EYS: variants seen among roughly 807,000 people sequenced by gnomAD.
EYS encodes the protein protein eyes shut homolog.
EYS carries 250 observed loss-of-function variants against 282.1 expected under a neutral mutation model. The ratio of observed to expected loss-of-function variants is 0.89; its 90% confidence interval spans 0.80 to 0.98. EYS has a LOEUF of 0.98. EYS is among the 50% of genes least tolerant of loss of function. The pLI is 0.00. For synonymous variants in EYS, 1,355 were observed against 1,282.9 expected (o/e 1.06, Z -1.20); for missense variants, 4,016 against 3,709.0 (o/e 1.08, Z -2.15).
intron 26 of EYS, among the ~76,000 whole-genome samples, chr6:64,457,963 T>A (rs781685237): frequency 6.6e-6 from 1 of 152,000 alleles, no homozygotes; most frequent in African/African-American, 2.4e-5. Context: ...GATTTTGCTT[T>A]GTGGTTACCA....
intron 36 of EYS, among the ~76,000 whole-genome samples, chr6:63,824,654 G>A (rs545014706): frequency 6.6e-6 from 1 of 152,240 alleles, no homozygotes; most frequent in South Asian, 2.1e-4. Context: ...GTCCAGGTCC[G>A]TTTGCAGGAG....
chr6:64,175,451 A>T lies in EYS; in HGVS notation c.6424+55141T>A, dbSNP rs1764598227. ...CATAATCTGGCTACCGCTGAGTGTC[A>T]AGGATAAATTATTGCTTCATTTTGC... On this transcript the variant is annotated intron_variant, in intron 31 of 42. Coordinates refer to ENST00000503581, the MANE Select transcript of EYS (RefSeq NM_001142800.2). Among the ~76,000 whole-genome samples, 4 of 152,158 alleles carry T rather than the reference A, an allele frequency of 2.6e-5. No homozygotes were observed. The South Asian group carries it at 8.3e-4, about 32-fold the overall frequency.
At position 65,620,918 on chromosome 6, in the gene EYS, C is replaced by G. The variant is rs976976961; in HGVS notation, c.-333+18860G>C. Reference sequence around the variant, plus strand: ...TTTGATAGCACTGTGGTCTGAGAGACAGTTTGTTATCATTTCTGTTCTTTT... The same window carrying G: ...TTTGATAGCACTGTGGTCTGAGAGAGAGTTTGTTATCATTTCTGTTCTTTT... On this transcript the variant is annotated intron_variant, in intron 2 of 42. Coordinates refer to ENST00000503581, the MANE Select transcript of EYS (RefSeq NM_001142800.2). Among the ~76,000 whole-genome samples, 117 of 152,122 alleles carry G rather than the reference C, an allele frequency of 7.7e-4. 1 individual carries two copies. Among genetic ancestry groups the G allele is most frequent in the African/African-American group, 2.7e-3 (112 of 41,400 alleles).
rs749791752 is a variant in EYS at position 65,211,377 on chromosome 6, G to C, written c.2023+84486C>G. Among the ~76,000 whole-genome samples, 14 of 152,126 alleles carry C rather than the reference G, an allele frequency of 9.2e-5. No individual in the cohort carries two copies. In the South Asian group the frequency reaches 1.9e-3, roughly 20 times the overall value. On this transcript the variant is annotated intron_variant, in intron 12 of 42. Coordinates refer to ENST00000503581, the MANE Select transcript of EYS (RefSeq NM_001142800.2). ...AACTGCTATCACAGAGAAAAATATA[G>C]AAGACTAGCTTTCTATCTGAGACAT...
intron 35 of EYS, among the ~76,000 whole-genome samples, chr6:63,982,550 G>A (rs1432056738): frequency 6.6e-6 from 1 of 151,808 alleles, no homozygotes; most frequent in Non-Finnish European, 1.5e-5. Context: ...CTTTTCATGT[G>A]GGTCTTCCCC....
intron 14 of EYS, among the ~76,000 whole-genome samples, chr6:64,950,817 ATATATATATATATAT>A (rs1562272721): frequency 5.3e-5 from 6 of 113,830 alleles, no homozygotes; most frequent in Non-Finnish European, 1.2e-4. Flanking sequence ...ATATATATAT[ATATATATATATATAT>A]ATTGTTGAAT....
Position 64,387,393 on chromosome 6 carries a change from TTGAGA to T in EYS, c.6078+1292_6078+1296del, listed in dbSNP as rs372210390. Reference sequence around the variant, plus strand: ...TTATATTCAGGGGTAGCTAATTGAGTTGAGATATTACACTCAATTAATGTATACTC... The same window carrying T: ...TTATATTCAGGGGTAGCTAATTGAGTTATTACACTCAATTAATGTATACTC... On this transcript the variant is annotated intron_variant, in intron 29 of 42. Coordinates refer to ENST00000503581, the MANE Select transcript of EYS (RefSeq NM_001142800.2). Among the ~76,000 whole-genome samples, 9 of 152,262 alleles carry T rather than the reference TTGAGA, an allele frequency of 5.9e-5. No individual in the cohort carries two copies. The East Asian group carries it at 1.5e-3, about 26-fold the overall frequency.
At chr6:65,617,984 G>A (rs1210655475) in intron 2 of EYS, among the ~76,000 whole-genome samples, 27 of 152,028 alleles carry the variant, frequency 1.8e-4, no homozygotes, top group African/African-American at 6.5e-4. Context: ...CCAAGTCTTT[G>A]CTATTGTGAA....
chr6:65,456,121 T>A (rs1052507657), intron 5 of EYS, among the ~76,000 whole-genome samples: 1 of 151,716 alleles, frequency 6.6e-6, no homozygotes, highest in Non-Finnish European at 1.5e-5. Flanking sequence ...ATACAAAAAA[T>A]TTCAGCAATA....
At chr6:64,014,784 T>A (rs1014431859) in intron 33 of EYS, among the ~76,000 whole-genome samples, 28 of 152,072 alleles carry the variant, frequency 1.8e-4, no homozygotes, top group Admixed American at 4.6e-4. Context: ...TTTTTATTTT[T>A]TTTTTTTTTG....
At chr6:63,929,071 T>C (rs530789850) in intron 35 of EYS, among the ~76,000 whole-genome samples, 1 of 152,354 alleles carries the variant, frequency 6.6e-6, no homozygotes, top group Admixed American at 6.5e-5. Context: ...CCTGGATTTA[T>C]CTAGGCAAGT....
chr6:64,939,195 T>A (rs12525406), intron 15 of EYS, among the ~76,000 whole-genome samples: 9 of 151,632 alleles, frequency 5.9e-5, no homozygotes, highest in East Asian at 1.9e-4. Context: ...ATACATTATC[T>A]TTATAATCAC....
chr6:63,850,318 T>C (rs1772212771), intron 36 of EYS, among the ~76,000 whole-genome samples: 1 of 151,844 alleles, frequency 6.6e-6, no homozygotes, highest in Non-Finnish European at 1.5e-5. Flanking sequence ...ATTCAGGAAA[T>C]ACAGAGAACA....
At chr6:64,668,356 T>C (rs1769309590) in intron 22 of EYS, among the ~76,000 whole-genome samples, 1 of 152,104 alleles carries the variant, frequency 6.6e-6, no homozygotes, top group Non-Finnish European at 1.5e-5. Flanking sequence ...ACCTTCAAAA[T>C]ATACTTCACA....
In EYS at chr6:64,861,235, C is replaced by T. The variant is rs142577552; in HGVS notation, c.2992+25462G>A. Among the ~76,000 whole-genome samples, 552 of 152,338 alleles carry T rather than the reference C, an allele frequency of 3.6e-3. 5 individuals are homozygous for T. The highest frequency in any genetic ancestry group is 4.5e-3 in the Admixed American group (69 of 15,304). ...CCCATGCTCGTTGGTGCCCAAAGTC[C>T]AGAGGGGGCTGAGGCGGCAGGGGAC... is the stretch of plus-strand genomic sequence containing the variant. On this transcript the variant is annotated intron_variant, in intron 19 of 42. Coordinates refer to ENST00000503581, the MANE Select transcript of EYS (RefSeq NM_001142800.2).
intron 33 of EYS, among the ~76,000 whole-genome samples, chr6:64,035,065 T>C (rs1010424337): frequency 6.6e-6 from 1 of 152,144 alleles, no homozygotes; most frequent in African/African-American, 2.4e-5. Flanking sequence ...ACATGTAGCA[T>C]AGAGAAGCCA....
chr6:65,610,244 T>G (rs2149794549), intron 2 of EYS, among the ~76,000 whole-genome samples: 1 of 152,090 alleles, frequency 6.6e-6, no homozygotes, highest in South Asian at 2.1e-4. Context: ...GTTTTTCTTT[T>G]TTGGTTTCTT....
At position 65,057,654 on chromosome 6, in the gene EYS, T is replaced by C; in HGVS notation, c.2097A>G (p.Gln699=). ...CACACTGGCAGAAGTAATTACCAGG[T>C]TGGTCAATGCAGGTGGCTCCATTTT... ...PCKNGATCID[Q]PGNYFCQCVP... The change falls in exon 13 of 43, where the codon CAA becomes CAG. Residue 699 remains glutamine, a synonymous_variant. Transcript: ENST00000503581. 1 of 1,551,012 alleles carries C rather than the reference T, an allele frequency of 6.4e-7. No homozygotes were observed. The highest frequency in any genetic ancestry group is 1.7e-4 in the Middle Eastern group (1 of 5,988).
chr6:63,739,490 C>T (rs1007096097), intron 41 of EYS, among the ~76,000 whole-genome samples: 4 of 152,120 alleles, frequency 2.6e-5, no homozygotes, highest in African/African-American at 9.7e-5. Context: ...GGTGGTGTAA[C>T]CTTGGACAAG....
Sources: gnomAD v4.1 joint callset for allele counts (sites outside exome capture counted in the v4.1 genomes callset) on GRCh38, gnomAD v4.1.1 for gene constraint, MANE v1.5 for transcripts, NCBI Gene and HGNC (gene_info 2026-07-23, HGNC 2026-07-21) for gene names.